Variants in KLHL13 observed in about 807,000 individuals in gnomAD.
The protein encoded by KLHL13 is kelch like family member 13, also known as kelch-like protein 13.
KLHL13 carries 10 observed loss-of-function variants against 37.1 expected under a neutral mutation model. The ratio of observed to expected loss-of-function variants is 0.27; its 90% CI spans 0.17 to 0.46. KLHL13 has a LOEUF of 0.46. Among genes scored for constraint, KLHL13 ranks in the 20% least tolerant of loss-of-function variants. KLHL13 has a pLI of 1.00. For synonymous variants in KLHL13, 163 were observed against 181.2 expected (o/e 0.90, Z 0.81); for missense variants, 360 against 509.3 (o/e 0.71, Z 2.82).
At chrX:118,070,681 G>C (rs897137548) in intron 1 of KLHL13, among the ~76,000 whole-genome samples, 2 of 110,142 alleles carry the variant, frequency 1.8e-5, no homozygotes, top group Non-Finnish European at 3.8e-5. Flanking sequence ...ACTGAGAGAG[G>C]TGGTTTACAA....
chrX:117,919,303 C>T (rs1034414307), intron 4 of KLHL13, among the ~76,000 whole-genome samples: 8 of 112,235 alleles, frequency 7.1e-5, no homozygotes, highest in Admixed American at 1.9e-4. Context: ...GGATTACAGG[C>T]GTGAGCCACG....
At chrX:118,024,291 T>C (rs1311957990) in intron 1 of KLHL13, among the ~76,000 whole-genome samples, 1 of 112,193 alleles carries the variant, frequency 8.9e-6, no homozygotes, top group Non-Finnish European at 1.9e-5. Flanking sequence ...GCATTTATAA[T>C]GTGAGGGCTA....
chrX:117,984,219 G>C (rs2053698012), intron 1 of KLHL13, among the ~76,000 whole-genome samples: 1 of 111,569 alleles, frequency 9.0e-6, no homozygotes, highest in South Asian at 3.7e-4. Context: ...ACTGCCTCAG[G>C]AATCCAGTTT....
At chrX:117,917,410 A>G (rs186201657) in intron 4 of KLHL13, among the ~76,000 whole-genome samples, 6 of 84,035 alleles carry the variant, frequency 7.1e-5, no homozygotes, top group African/African-American at 3.7e-4. Flanking sequence ...TCTGCAAAGG[A>G]TGCAAAAAAA....
chrX:117,975,175 C>T (rs771507091), upstream of KLHL13, among the ~76,000 whole-genome samples: 12 of 100,611 alleles, frequency 1.2e-4, no homozygotes, highest in South Asian at 2.4e-3. Flanking sequence ...AGGAGAAATA[C>T]ATACACACAC....
chrX:117,965,386 C>T (rs2053403209), intron 1 of KLHL13, among the ~76,000 whole-genome samples: 1 of 111,930 alleles, frequency 8.9e-6, no homozygotes, highest in Non-Finnish European at 1.9e-5. Flanking sequence ...TAAATGTCTT[C>T]TTTTGAGAAG....
chrX:118,094,656 C>G (rs1349076561), intron 1 of KLHL13, among the ~76,000 whole-genome samples: 2 of 111,140 alleles, frequency 1.8e-5, no homozygotes, highest in Non-Finnish European at 3.8e-5. Flanking sequence ...TCGGGTTACC[C>G]ACAAAGGGAA....
chrX:117,903,379 T>C (rs1255763743), intron 5 of KLHL13, among the ~76,000 whole-genome samples: 2 of 111,778 alleles, frequency 1.8e-5, no homozygotes, highest in Non-Finnish European at 3.8e-5. Flanking sequence ...GCTTTTACTA[T>C]TCTCATTTTT....
chrX:118,112,002 T>C (rs191358109), intron 1 of KLHL13, among the ~76,000 whole-genome samples: 61 of 112,240 alleles, frequency 5.4e-4, no homozygotes, highest in African/African-American at 1.8e-3. Context: ...CTTTTTTACA[T>C]ATGAGATAAC....
At chrX:118,012,842 G>C (rs377715432) in intron 1 of KLHL13, among the ~76,000 whole-genome samples, 1 of 111,459 alleles carries the variant, frequency 9.0e-6, no homozygotes, top group East Asian at 2.8e-4. Context: ...AGCCTCTAAA[G>C]AAGGTATATA....
At chrX:118,024,125 T>C (rs1385430422) in intron 1 of KLHL13, among the ~76,000 whole-genome samples, 1 of 112,239 alleles carries the variant, frequency 8.9e-6, no homozygotes, top group Non-Finnish European at 1.9e-5. Flanking sequence ...CAGATTTAGC[T>C]CAAGTTATCA....
intron 1 of KLHL13, among the ~76,000 whole-genome samples, chrX:118,047,959 G>T (rs1208294861): frequency 8.9e-6 from 1 of 111,738 alleles, no homozygotes; most frequent in African/African-American, 3.2e-5. Flanking sequence ...AGATGTTGCT[G>T]AGAGATTAAG....
chrX:117,930,290 A>AAGGAAGGCAGGC (rs1556301121), intron 2 of KLHL13, among the ~76,000 whole-genome samples: 15 of 77,966 alleles, frequency 1.9e-4, no homozygotes, highest in Admixed American at 8.2e-4. Context: ...GGAAGGAAGG[A>AAGGAAGGCAGGC]AGGCAGGCAG....
At chrX:118,029,798 G>C (rs995955016) in intron 1 of KLHL13, among the ~76,000 whole-genome samples, 1 of 109,916 alleles carries the variant, frequency 9.1e-6, no homozygotes, top group Non-Finnish European at 1.9e-5. Flanking sequence ...ACAACACCCC[G>C]TCTCTATAAA....
At position 117,983,818 on chromosome X, in the gene KLHL13, A is replaced by G. The variant is rs937598835; in HGVS notation, c.-55-38243T>C. Among the ~76,000 whole-genome samples, 6 of 111,817 alleles carry G rather than the reference A, an allele frequency of 5.4e-5. No individual in the cohort carries two copies. The Admixed American group carries it at 5.7e-4, about 11-fold the overall frequency. The stretch of plus-strand genomic sequence containing the variant: ...ATAAAGATGGGCATTAAGCATAACA[A>G]TGATTGGCAGTTGATCTAAAAGACT... On this transcript the variant is annotated intron_variant, in intron 1 of 6. Transcript: ENST00000371882.
Position 117,930,338 on chromosome X carries a change from A to AAGGC in KLHL13, c.241-9972_241-9969dup, listed in dbSNP as rs1196852934. 3.1e-3 allele frequency among the ~76,000 whole-genome samples: 319 copies of AAGGC among 103,684 alleles called. 4 individuals are homozygous for AAGGC. Among genetic ancestry groups the AAGGC allele is most frequent in the African/African-American group, 0.011 (299 of 27,144 alleles). The allele number at this position is 103,684 out of a possible 115,157, so 90.0% of individuals were successfully genotyped here. On this transcript the variant is annotated intron_variant, in intron 2 of 6. Transcript: ENST00000262820. ...GCAGGCAGGAAGGCAGGAAGGCAGGAAGGCAGGCAGGCAGGCAGGCAGGCT... is the reference window on the plus strand; with the variant it reads ...GCAGGCAGGAAGGCAGGAAGGCAGGAAGGCAGGCAGGCAGGCAGGCAGGCAGGCT...
intron 1 of KLHL13, among the ~76,000 whole-genome samples, chrX:117,952,997 G>C (rs1398274706): frequency 2.7e-5 from 3 of 111,181 alleles, no homozygotes; most frequent in Non-Finnish European, 3.8e-5. Context: ...GTCAGTGTGG[G>C]GATTCTTCAG....
rs1490446114 is a variant in KLHL13 at position 117,952,086 on chromosome X, G to C, written c.99-6511C>G. Reference sequence around the variant, plus strand: ...TTCATATGGAACCAAAAAAGAGCCCGCATCGCCAAGTCAATCCTAAGCCAA... The same window carrying C: ...TTCATATGGAACCAAAAAAGAGCCCCCATCGCCAAGTCAATCCTAAGCCAA... On this transcript the variant is annotated intron_variant, in intron 1 of 6. Transcript: ENST00000262820. Among the ~76,000 whole-genome samples the C allele has an allele frequency of 2.7e-5, 3 of 111,250 alleles. 1 individual carries two copies. The highest frequency in any genetic ancestry group is 9.8e-5 in the African/African-American group (3 of 30,611).
chrX:118,031,750 A>C (rs898739034), intron 1 of KLHL13, among the ~76,000 whole-genome samples: 1 of 106,588 alleles, frequency 9.4e-6, no homozygotes, highest in Non-Finnish European at 1.9e-5. Context: ...AAGATGGCCG[A>C]ATAGGAACAG....
Sources: gnomAD v4.1 joint callset for allele counts (sites outside exome capture counted in the v4.1 genomes callset) on GRCh38, gnomAD v4.1.1 for gene constraint, MANE v1.5 for transcripts, NCBI Gene and HGNC (gene_info 2026-07-23, HGNC 2026-07-21) for gene names.